ATAD5: variants seen among roughly 807,000 people sequenced by gnomAD.
The protein encoded by ATAD5 is ATPase family AAA domain-containing protein 5.
In ATAD5, 58 loss-of-function variants were observed where a neutral mutation model predicts 176.9. The ratio of observed to expected loss-of-function variants is 0.33; its 90% CI spans 0.27 to 0.41. The LOEUF (loss-of-function observed/expected upper bound fraction) is 0.41. Ranked by LOEUF, ATAD5 falls within the 10% of genes least tolerant of loss-of-function variation. The pLI is 1.00. For missense variants in ATAD5, 1,789 were observed against 2,094.1 expected, an observed-to-expected ratio of 0.85 and a Z score of 2.84; for synonymous variants, 640 against 712.6, an observed-to-expected ratio of 0.90 and a Z score of 1.62.
At chr17:30,862,234 C>T (rs1225357701) in intron 10 of ATAD5, among the ~76,000 whole-genome samples, 5 of 150,472 alleles carry the variant, frequency 3.3e-5, no homozygotes, top group East Asian at 2.1e-4. Flanking sequence ...CTTGGGAGGC[C>T]GAGGCAGGAG....
chr17:30,858,537 C>T (rs1301653165), intron 9 of ATAD5, among the ~76,000 whole-genome samples: 11 of 152,190 alleles, frequency 7.2e-5, no homozygotes, highest in South Asian at 6.2e-4. Flanking sequence ...AGGCACCCAC[C>T]ATGACGCCCT....
intron 6 of ATAD5, among the ~76,000 whole-genome samples, chr17:30,854,157 T>A (rs1011391269): frequency 4.0e-5 from 6 of 148,370 alleles, no homozygotes; most frequent in African/African-American, 1.2e-4. Context: ...AAATAAATTT[T>A]AAAAATTAAT....
rs754601477 is a variant in ATAD5 at position 30,869,399 on chromosome 17, C to T, written c.3456+9C>T. 1.2e-6 allele frequency: 2 copies of T among 1,611,376 alleles called. No homozygotes were observed. Among genetic ancestry groups the T allele is most frequent in the Non-Finnish European group, 1.7e-6 (2 of 1,179,396 alleles). ...AGGAGCTTGGATTTAAGGTTAGTAACAGCTATGATGAGAGAATGTTAATGT... is the reference window on the plus strand; with the variant it reads ...AGGAGCTTGGATTTAAGGTTAGTAATAGCTATGATGAGAGAATGTTAATGT... On this transcript the variant is annotated intron_variant, in intron 13 of 22. Coordinates refer to ENST00000321990, the MANE Select transcript of ATAD5 (RefSeq NM_024857.5).
chr17:30,835,044 A>G lies in ATAD5; in HGVS notation c.963A>G (p.Thr321=). The G allele has an allele frequency of 1.2e-6, 2 of 1,614,030 alleles. No homozygotes were observed. The highest frequency in any genetic ancestry group is 1.7e-6 in the Non-Finnish European group (2 of 1,179,992). ...TTTCCCAGCAGGTACGCTTTAAGAC[A>G]GTTACTGTTCTTGCACAGGTTCACC... ...SEISQQVRFK[T]VTVLAQVHPI... Residue 321 remains threonine, a synonymous_variant, in exon 2 of 23, where the codon ACA becomes ACG. Transcript: ENST00000321990.
chr17:30,848,855 C>A (rs1906694390), intron 6 of ATAD5, among the ~76,000 whole-genome samples: 1 of 151,940 alleles, frequency 6.6e-6, no homozygotes, highest in Admixed American at 6.6e-5. Flanking sequence ...TCAAATATAT[C>A]ATTAGTTTTC....
At chr17:30,843,487 TA>T (rs996680784) in intron 4 of ATAD5, among the ~76,000 whole-genome samples, 7 of 151,874 alleles carry the variant, frequency 4.6e-5, no homozygotes, top group Admixed American at 1.3e-4. Flanking sequence ...CCATGTCTAC[TA>T]AAAATACAAA....
At chr17:30,880,701 TTC>T (rs1341432105) in intron 18 of ATAD5, among the ~76,000 whole-genome samples, 4 of 152,128 alleles carry the variant, frequency 2.6e-5, no homozygotes, top group East Asian at 1.9e-4. Flanking sequence ...TTCTGATTAT[TTC>T]TCTTTTTTTT....
At position 30,835,252 on chromosome 17, in the gene ATAD5, G is replaced by A. The variant is rs777698126; in HGVS notation, c.1171G>A (p.Val391Met). Residue 391 changes from valine to methionine, a missense_variant, in exon 2 of 23, where the codon GTG (valine) becomes ATG (methionine). Val to Met is a conservative substitution (Grantham distance 21). Around this residue, in one of 6 missense-constraint regions of ATAD5, gnomAD observed 696 missense variants for 712.5 expected, o/e 0.98. Transcript: ENST00000321990. ...AVLEAGSSEA[V>M]KPKCTLEERQ... Reference sequence around the variant, plus strand: ...TTTGGAAGCTGGAAGTTCTGAAGCTGTGAAACCAAAATGCACTCTAGAAGA... The same window carrying A: ...TTTGGAAGCTGGAAGTTCTGAAGCTATGAAACCAAAATGCACTCTAGAAGA... 3.7e-6 allele frequency: 6 copies of A among 1,614,000 alleles called. No homozygotes were observed. In the East Asian group the frequency reaches 1.3e-4, roughly 36 times the overall value.
At position 30,859,771 on chromosome 17, in the gene ATAD5, G is replaced by A. The variant is rs187726646; in HGVS notation, c.2957-662G>A. On this transcript the variant is annotated intron_variant, in intron 9 of 22. Coordinates refer to ENST00000321990, the MANE Select transcript of ATAD5 (RefSeq NM_024857.5). ...TTTTGAGACGGCGTCTTGCTCTGCCGCCCAGGCAGTGGTGTGATCTCGGCT... is the reference window on the plus strand; with the variant it reads ...TTTTGAGACGGCGTCTTGCTCTGCCACCCAGGCAGTGGTGTGATCTCGGCT... Among the ~76,000 whole-genome samples the A allele has an allele frequency of 3.2e-3, 466 of 144,828 alleles. 33 individuals are homozygous for A. The highest frequency in any genetic ancestry group is 6.1e-3 in the Non-Finnish European group (399 of 65,270).
At chr17:30,864,687 T>C (rs1288045125) in intron 10 of ATAD5, 1 of 152,260 alleles carries the variant, frequency 6.6e-6, no homozygotes, top group Non-Finnish European at 1.5e-5. Flanking sequence ...GTTCCCATCT[T>C]TATGTCCATG....
chr17:30,879,563 TA>T lies in ATAD5; in HGVS notation c.4077+78del, dbSNP rs940250776. On this transcript the variant is annotated intron_variant, in intron 18 of 22. Coordinates refer to ENST00000321990, the MANE Select transcript of ATAD5 (RefSeq NM_024857.5). Reference sequence around the variant, plus strand: ...AGTAGTTTATTATTAAATACAGCTATAATTTTTTTTTTTTTTTGAGACGGAG... The same window carrying T: ...AGTAGTTTATTATTAAATACAGCTATATTTTTTTTTTTTTTTGAGACGGAG... 4.0e-6 allele frequency: 5 copies of T among 1,240,296 alleles called. No individual in the cohort carries two copies. In the African/African-American group the frequency reaches 6.4e-5, roughly 16 times the overall value. The allele number at this position is 1,240,296 out of a possible 1,614,324, so 76.8% of individuals were successfully genotyped here.
At chr17:30,866,354 T>C in intron 11 of ATAD5, among the ~76,000 whole-genome samples, 1 of 150,872 alleles carries the variant, frequency 6.6e-6, no homozygotes, top group South Asian at 2.1e-4. Flanking sequence ...TGCACCGCCA[T>C]GCCAGGCTAA....
intron 5 of ATAD5, 84 bp from the exon 6 acceptor site, chr17:30,844,747 CAAAA>C (rs569986111): frequency 0.016 from 5,368 of 343,150 alleles, 16 homozygotes; most frequent in African/African-American, 0.09. Flanking sequence ...GACTCCATCT[CAAAA>C]AAAAAAAAAA....
At position 30,831,980 on chromosome 17, in the gene ATAD5, G is replaced by A; in HGVS notation, c.-368G>A. The A allele has an allele frequency of 3.1e-6, 1 of 317,808 alleles. No individual in the cohort carries two copies. Among genetic ancestry groups the A allele is most frequent in the Non-Finnish European group, 5.7e-6 (1 of 175,026 alleles). The allele number at this position is 317,808 out of a possible 1,614,324, so 19.7% of individuals were successfully genotyped here. A position where few individuals can be genotyped will look rare whatever the true frequency, so the allele number is the denominator to read the frequency against. On this transcript the variant is annotated 5_prime_UTR_variant, in exon 1 of 23. Coordinates refer to ENST00000321990, the MANE Select transcript of ATAD5 (RefSeq NM_024857.5). ...CTCCGCCCCTTGCGCGCAGGACGGC[G>A]CGAAAACCCAATTGACAAGAATTCC... is the stretch of plus-strand genomic sequence containing the variant.
rs1009029404 is a variant in ATAD5 at position 30,832,005 on chromosome 17, C to A, written c.-343C>A. On this transcript the variant is annotated 5_prime_UTR_variant, in exon 1 of 23. Transcript: ENST00000321990. ...GCGAAAACCCAATTGACAAGAATTC[C>A]CTCCGAAGCTCTGTGGTCCGATCTG... The A allele has an allele frequency of 3.1e-5, 11 of 354,522 alleles. No homozygotes were observed. Among genetic ancestry groups the A allele is most frequent in the African/African-American group, 2.3e-4 (11 of 47,326 alleles). 22.0% of individuals were successfully genotyped at this position (354,522 alleles called of 1,614,324 possible). A position where few individuals can be genotyped will look rare whatever the true frequency, so the allele number is the denominator to read the frequency against.
intron 6 of ATAD5, among the ~76,000 whole-genome samples, chr17:30,853,513 ATTTAG>A (rs1171766733): frequency 6.6e-6 from 1 of 152,166 alleles, no homozygotes; most frequent in African/African-American, 2.4e-5. Context: ...GAGATATCTC[ATTTAG>A]TATCTATCTG....
chr17:30,850,817 TTATATTTATATATTTTTA>T lies in ATAD5; in HGVS notation c.2451-4320_2451-4303del, dbSNP rs1293412322. On this transcript the variant is annotated intron_variant, in intron 6 of 22. Coordinates refer to ENST00000321990, the MANE Select transcript of ATAD5 (RefSeq NM_024857.5). ...ATCATTATTTTAAAGAAATTATTAT[TTATATTTATATATTTTTA>T]TATATATATATATATATATATATAT... Among the ~76,000 whole-genome samples the T allele has an allele frequency of 3.0e-3, 284 of 96,182 alleles. 3 individuals carry two copies. Among genetic ancestry groups the T allele is most frequent in the African/African-American group, 0.013 (277 of 21,406 alleles). 63.1% of individuals were successfully genotyped at this position (96,182 alleles called of 152,430 possible). A position where few individuals can be genotyped will look rare whatever the true frequency, so the allele number is the denominator to read the frequency against.
chr17:30,880,992 CT>C lies in ATAD5; in HGVS notation c.4077+1515del, dbSNP rs562847349. ...CCCCTTTTCCACCAGAAATAGCCAC[CT>C]TTTTTTTTTCTTACGATGATGAACA... is the stretch of plus-strand genomic sequence containing the variant. On this transcript the variant is annotated intron_variant, in intron 18 of 22. Coordinates refer to ENST00000321990, the MANE Select transcript of ATAD5 (RefSeq NM_024857.5). 3.0e-4 allele frequency among the ~76,000 whole-genome samples: 44 copies of C among 148,044 alleles called. No homozygotes were observed. The South Asian group carries it at 6.4e-3, about 22-fold the overall frequency.
In ATAD5 at chr17:30,860,082, G is replaced by A. The variant is rs972979712; in HGVS notation, c.2957-351G>A. Among the ~76,000 whole-genome samples, 7 of 152,086 alleles carry A rather than the reference G, an allele frequency of 4.6e-5. No homozygotes were observed. In the East Asian group the frequency reaches 1.2e-3, roughly 25 times the overall value. On this transcript the variant is annotated intron_variant, in intron 9 of 22. Transcript: ENST00000321990. Reference sequence around the variant, plus strand: ...TTTGTCGCCCAGGCTAGAGTACAGTGGTGTTTTCATGGCTCCCTGCAGCCT... The same window carrying A: ...TTTGTCGCCCAGGCTAGAGTACAGTAGTGTTTTCATGGCTCCCTGCAGCCT...
Sources: gnomAD v4.1 joint callset for allele counts (sites outside exome capture counted in the v4.1 genomes callset) on GRCh38, gnomAD v4.1.1 for gene constraint, gnomAD v4.1.1 regional missense constraint, MANE v1.5 for transcripts, NCBI Gene and HGNC (gene_info 2026-07-23, HGNC 2026-07-21) for gene names.